FFAR4: variants seen among roughly 807,000 people sequenced by gnomAD.
FFAR4 encodes G-protein coupled receptor 120.
In FFAR4, 19 loss-of-function variants were observed where a neutral mutation model predicts 27.0. That is an observed-to-expected ratio of 0.70 (90% CI 0.49 to 1.03). The LOEUF is 1.03. Ranked by LOEUF, FFAR4 falls within the 50% of genes least tolerant of loss-of-function variation. The pLI is 0.00. For synonymous variants in FFAR4, 254 were observed against 215.6 expected (o/e 1.18, Z -1.56); for missense variants, 476 against 479.0 (o/e 0.99, Z 0.06).
intron 1 of FFAR4, among the ~76,000 whole-genome samples, chr10:93,573,253 A>G (rs751397539): frequency 6.6e-6 from 1 of 152,264 alleles, no homozygotes; most frequent in Non-Finnish European, 1.5e-5. Flanking sequence ...GTGGTTGAGC[A>G]AATGAATTAA....
At chr10:93,569,228 A>G (rs925175379) in intron 1 of FFAR4, among the ~76,000 whole-genome samples, 4 of 152,218 alleles carry the variant, frequency 2.6e-5, no homozygotes, top group Non-Finnish European at 5.9e-5. Context: ...ACCAGATAGA[A>G]TGTATCTTGA....
Position 93,589,848 on chromosome 10 carries a change from G to C in FFAR4, c.*2239G>C, listed in dbSNP as rs1412472808. The stretch of plus-strand genomic sequence containing the variant: ...CCACCACTTGGAGGCTGGGCCAGTG[G>C]CTGGAATGCACAGCAGCACGGGGCC... On this transcript the variant is annotated 3_prime_UTR_variant, in exon 3 of 3. Transcript: ENST00000371481. 1 of 152,188 alleles carries C rather than the reference G, an allele frequency of 6.6e-6. No homozygotes were observed. The highest frequency in any genetic ancestry group is 1.5e-5 in the Non-Finnish European group (1 of 68,040). The allele number at this position is 152,188 out of a possible 1,614,324, so 9.4% of individuals were successfully genotyped here.
intron 1 of FFAR4, among the ~76,000 whole-genome samples, chr10:93,574,469 A>G (rs1277478800): frequency 1.3e-5 from 2 of 152,144 alleles, no homozygotes; most frequent in African/African-American, 2.4e-5. Flanking sequence ...GCTCATATGT[A>G]TTGCTACTGC....
intron 1 of FFAR4, 83 bp from the exon 2 acceptor site, chr10:93,576,008 G>A (rs775920550): frequency 4.5e-5 from 64 of 1,413,664 alleles, no homozygotes; most frequent in Non-Finnish European, 5.6e-5. Flanking sequence ...CCGTGTAAGT[G>A]TCAGGAAACC....
chr10:93,567,259 TC>T lies in FFAR4; in HGVS notation c.542del (p.Pro181ArgfsTer16). 6.2e-7 allele frequency: 1 copy of T among 1,600,386 alleles called. No individual in the cohort carries two copies. Among genetic ancestry groups the T allele is most frequent in the Non-Finnish European group, 8.5e-7 (1 of 1,179,662 alleles). ...CCTCTCTGCGTCTTCTTCCGAGTCGTCCCGCAACGGCTCCCCGGCGCCGACC... is the reference window on the plus strand; with the variant it reads ...CCTCTCTGCGTCTTCTTCCGAGTCGTCCGCAACGGCTCCCCGGCGCCGACC... ...ALPLCVFFRV[V>X]PQRLPGADQE... On this transcript the variant is annotated frameshift_variant, in exon 1 of 3. Coordinates refer to ENST00000371481, the MANE Select transcript of FFAR4 (RefSeq NM_001195755.2). LOFTEE classifies it high-confidence loss of function.
chr10:93,587,489 C>T lies in FFAR4; in HGVS notation c.966C>T (p.Asn322=). The T allele has an allele frequency of 6.2e-7, 1 of 1,614,176 alleles. No homozygotes were observed. The highest frequency in any genetic ancestry group is 1.1e-5 in the South Asian group (1 of 91,072). ...ANSALNPILY[N]MTLCRNEWKK... ...CAGCCCTAAACCCCATCCTCTACAA[C>T]ATGACACTGTGCAGGAATGAGTGGA... The change falls in exon 3 of 3, where the codon AAC becomes AAT. Residue 322 remains asparagine, a synonymous_variant. Transcript: ENST00000371481.
In FFAR4 at chr10:93,566,944, C is replaced by A; in HGVS notation, c.224C>A (p.Ala75Asp). The A allele has an allele frequency of 1.2e-6, 2 of 1,610,722 alleles. No individual in the cohort carries two copies. Among genetic ancestry groups the A allele is most frequent in the Non-Finnish European group, 8.5e-7 (1 of 1,179,454 alleles). The stretch of plus-strand genomic sequence containing the variant: ...CGCCGACGACGCCGCGGCGCGACTG[C>A]CTGCCTGGTACTCAACCTCTTCTGC... ...VARRRRRGAT[A>D]CLVLNLFCAD... Residue 75 changes from alanine (A) to aspartate (D), a missense_variant, in exon 1 of 3, where the codon GCC (alanine) becomes GAC (aspartate). By Grantham distance (126) the Ala-to-Asp change is moderately radical. Coordinates refer to ENST00000371481, the MANE Select transcript of FFAR4 (RefSeq NM_001195755.2).
chr10:93,570,554 C>A (rs1292440467), intron 1 of FFAR4, among the ~76,000 whole-genome samples: 2 of 152,030 alleles, frequency 1.3e-5, no homozygotes, highest in Non-Finnish European at 2.9e-5. Flanking sequence ...TTTTCCTAAC[C>A]CAAACCACAC....
chr10:93,572,164 A>G (rs1270371873), intron 1 of FFAR4, among the ~76,000 whole-genome samples: 1 of 152,190 alleles, frequency 6.6e-6, no homozygotes, highest in Non-Finnish European at 1.5e-5. Context: ...AACACACTTC[A>G]GTGGGGACTC....
chr10:93,566,979 C>G lies in FFAR4; in HGVS notation c.259C>G (p.Leu87Val). The G allele has an allele frequency of 6.2e-7, 1 of 1,611,974 alleles. No individual in the cohort carries two copies. Among genetic ancestry groups the G allele is most frequent in the East Asian group, 2.2e-5 (1 of 44,854 alleles). Residue 87 changes from leucine (L) to valine (V), a missense_variant, in exon 1 of 3, where the codon CTC becomes GTC. By Grantham distance (32) the Leu-to-Val change is conservative. Transcript: ENST00000371481. Reference sequence around the variant, plus strand: ...ACTCAACCTCTTCTGCGCGGACCTGCTCTTCATCAGCGCTATCCCTCTGGT... The same window carrying G: ...ACTCAACCTCTTCTGCGCGGACCTGGTCTTCATCAGCGCTATCCCTCTGGT... Reference protein sequence around the residue: ...LVLNLFCADLLFISAIPLVLA... With the variant: ...LVLNLFCADLVFISAIPLVLA...
rs1165564148 is a variant in FFAR4, at chr10:93,589,300, T to C, written c.*1691T>C. 6.6e-6 allele frequency: 1 copy of C among 152,380 alleles called. No individual in the cohort carries two copies. Among genetic ancestry groups the C allele is most frequent in the African/African-American group, 2.4e-5 (1 of 41,414 alleles). The allele number at this position is 152,380 out of a possible 1,614,324, so 9.4% of individuals were successfully genotyped here. A position where few individuals can be genotyped will look rare whatever the true frequency, so the allele number is the denominator to read the frequency against. ...TGATGAATGTGTGCAAAGATTACCC[T>C]GGCTGCTGGGCAGGGAATAGACTCT... On this transcript the variant is annotated 3_prime_UTR_variant, in exon 3 of 3. Coordinates refer to ENST00000371481, the MANE Select transcript of FFAR4 (RefSeq NM_001195755.2).
rs754422988 is a variant in FFAR4, at chr10:93,566,797, CCTT to C, written c.83_85del (p.Phe28del). Reference sequence around the variant, plus strand: ...GAGCAAGCCAACCGCACCCGCTTTCCCTTCTTCTCCGACGTCAAGGGCGACCAC... The same window carrying C: ...GAGCAAGCCAACCGCACCCGCTTTCCCTTCTCCGACGTCAAGGGCGACCAC... On this transcript the variant is annotated inframe_deletion, in exon 1 of 3. Transcript: ENST00000371481. 1.9e-6 allele frequency: 3 copies of C among 1,608,426 alleles called. No homozygotes were observed. Among genetic ancestry groups the C allele is most frequent in the East Asian group, 2.2e-5 (1 of 44,716 alleles).
At position 93,577,903 on chromosome 10, in the gene FFAR4, G is replaced by A. The variant is rs531091550; in HGVS notation, c.696+1684G>A. Among the ~76,000 whole-genome samples the A allele has an allele frequency of 5.9e-5, 9 of 152,178 alleles. No individual in the cohort carries two copies. The South Asian group carries it at 1.7e-3, about 28-fold the overall frequency. Reference sequence around the variant, plus strand: ...CATGTGTTAAGGGCCTGCTCTGTGCGAAGTGCTTGGGGGAAGGGAGGTGGG... The same window carrying A: ...CATGTGTTAAGGGCCTGCTCTGTGCAAAGTGCTTGGGGGAAGGGAGGTGGG... On this transcript the variant is annotated intron_variant, in intron 2 of 2. Transcript: ENST00000371481.
chr10:93,583,130 C>T (rs561939755), intron 2 of FFAR4, among the ~76,000 whole-genome samples: 129 of 151,252 alleles, frequency 8.5e-4, no homozygotes, highest in Non-Finnish European at 8.0e-4. Flanking sequence ...GGGCCGGGCG[C>T]GGTGGCTCAA....
chr10:93,579,178 A>G lies in FFAR4; in HGVS notation c.696+2959A>G, dbSNP rs1021673956. The G allele has an allele frequency of 8.7e-6, 14 of 1,614,122 alleles. No individual in the cohort carries two copies. The Middle Eastern group carries it at 4.9e-4, about 57-fold the overall frequency. ...TTACAGACCTCGGAACACCTCCTGG[A>G]TGCAAGAGCTGTCGTGACTCACAGT... On this transcript the variant is annotated intron_variant, in intron 2 of 2. Transcript: ENST00000371481.
intron 2 of FFAR4, among the ~76,000 whole-genome samples, chr10:93,581,362 G>T (rs1269312689): frequency 6.6e-6 from 1 of 152,196 alleles, no homozygotes; most frequent in South Asian, 2.1e-4. Context: ...GGAAGGGTAG[G>T]TGGAATCTCT....
intron 2 of FFAR4, among the ~76,000 whole-genome samples, chr10:93,577,332 T>C (rs918003554): frequency 2.6e-5 from 4 of 152,236 alleles, no homozygotes; most frequent in African/African-American, 9.6e-5. Flanking sequence ...TAGGGCCTGC[T>C]CACTCTCTGG....
rs1589676328 is a variant in FFAR4 at position 93,576,136 on chromosome 10, A to T, written c.613A>T (p.Ile205Phe). ...TLIWPTIPGE[I>F]SWDVSFVTLN... ...GATTTGGCCCACCATTCCTGGAGAG[A>T]TCTCGTGGGATGTCTCTTTTGTTAC... The change falls in exon 2 of 3, where the codon ATC (isoleucine) becomes TTC (phenylalanine). Residue 205 changes from isoleucine to phenylalanine, a missense_variant. Physicochemically the swap from Ile to Phe is conservative, Grantham distance 21. Coordinates refer to ENST00000371481, the MANE Select transcript of FFAR4 (RefSeq NM_001195755.2). 6.2e-7 allele frequency: 1 copy of T among 1,613,792 alleles called. No individual in the cohort carries two copies. The highest frequency in any genetic ancestry group is 2.2e-5 in the East Asian group (1 of 44,884).
rs1176549283 is a variant in FFAR4, at chr10:93,572,109, T to C, written c.568-3982T>C. On this transcript the variant is annotated intron_variant, in intron 1 of 2. Transcript: ENST00000371481. ...GTGTATTAGGCAGAATTCTAGGTGC[T>C]GGGATGCTGGCTGGAAAAAGGCAGG... 3.3e-5 allele frequency among the ~76,000 whole-genome samples: 5 copies of C among 152,298 alleles called. No individual in the cohort carries two copies. In the East Asian group the frequency reaches 9.6e-4, roughly 29 times the overall value.
Sources: gnomAD v4.1 joint callset for allele counts (sites outside exome capture counted in the v4.1 genomes callset) on GRCh38, gnomAD v4.1.1 for gene constraint, MANE v1.5 for transcripts, NCBI Gene and HGNC (gene_info 2026-07-23, HGNC 2026-07-21) for gene names.